The following TIMMDC1 variants were observed in gnomAD, a reference collection of about 807,000 sequenced individuals.
TIMMDC1 encodes the protein translocase of inner mitochondrial membrane domain containing 1.
A neutral mutation model predicts 32.6 loss-of-function variants in TIMMDC1; 25 were observed. The observed-to-expected ratio is 0.77, with a 90% CI of 0.56 to 1.07. TIMMDC1 has a LOEUF of 1.07. Ranked by LOEUF, TIMMDC1 falls within the 50% of genes least tolerant of loss-of-function variation. The pLI, the probability that TIMMDC1 is intolerant of heterozygous loss-of-function variation, is 0.00. For missense variants in TIMMDC1, 329 were observed against 349.2 expected (o/e 0.94, Z 0.46); for synonymous variants, 130 against 127.6 (o/e 1.02, Z -0.13).
At chr3:119,510,677 C>T (rs1171314644) in intron 4 of TIMMDC1, among the ~76,000 whole-genome samples, 1 of 152,084 alleles carries the variant, frequency 6.6e-6, no homozygotes, top group Non-Finnish European at 1.5e-5. Context: ...TAAGAATAGA[C>T]CATTCTTGGG....
rs1302847963 is a variant in TIMMDC1 at position 119,498,764 on chromosome 3, T to G, written c.31T>G (p.Phe11Val). Residue 11 changes from phenylalanine (F) to valine (V), a missense_variant, in exon 1 of 7, where the codon TTT becomes GTT. Physicochemically the swap from Phe to Val is conservative, Grantham distance 50 (BLOSUM62 -1). Coordinates refer to ENST00000494664, the MANE Select transcript of TIMMDC1 (RefSeq NM_016589.4). ...GGTGCCGCCACCGGCACCGCGGAGC[T>G]TTCTCTGTAGAGCATTGTGCCTATT... MEVPPPAPRS[F>V]LCRALCLFPR... 2.5e-6 allele frequency: 4 copies of G among 1,614,242 alleles called. No homozygotes were observed.
chr3:119,513,811 T>A, intron 5 of TIMMDC1, 92 bp downstream of exon 5: 1 of 809,948 alleles, frequency 1.2e-6, no homozygotes. Context: ...AAGAACAAAT[T>A]TAATCCTTAG....
chr3:119,514,826 G>A (rs767038239), intron 5 of TIMMDC1, among the ~76,000 whole-genome samples: 27 of 152,188 alleles, frequency 1.8e-4, no homozygotes, highest in African/African-American at 5.1e-4. Flanking sequence ...GGTCTTGGCC[G>A]GGCTAGGCTC....
In TIMMDC1 at chr3:119,498,788, T is replaced by C; in HGVS notation, c.55T>C (p.Phe19Leu). 1 of 1,614,218 alleles carries C rather than the reference T, an allele frequency of 6.2e-7. No homozygotes were observed. Residue 19 changes from phenylalanine (F) to leucine (L), a missense_variant, in exon 1 of 7, where the codon TTT becomes CTT. Physicochemically the swap from Phe to Leu is conservative, Grantham distance 22. Coordinates refer to ENST00000494664, the MANE Select transcript of TIMMDC1 (RefSeq NM_016589.4). ...RSFLCRALCL[F>L]PRVFAAEAVT... Reference sequence around the variant, plus strand: ...CTTTCTCTGTAGAGCATTGTGCCTATTTCCCCGAGTCTTTGCTGCCGAAGC... The same window carrying C: ...CTTTCTCTGTAGAGCATTGTGCCTACTTCCCCGAGTCTTTGCTGCCGAAGC...
In TIMMDC1 at chr3:119,511,571, A is replaced by G. The variant is rs534330441; in HGVS notation, c.518-2070A>G. Among the ~76,000 whole-genome samples, 373 of 152,348 alleles carry G rather than the reference A, an allele frequency of 2.4e-3. 1 individual carries two copies. Among genetic ancestry groups the G allele is most frequent in the African/African-American group, 8.4e-3 (348 of 41,594 alleles). On this transcript the variant is annotated intron_variant, in intron 4 of 6. Transcript: ENST00000494664. Reference sequence around the variant, plus strand: ...TCAACTGTATGTATTTTTAAGCATAAGAACTAAGAAACTAGGAAACAGGAA... The same window carrying G: ...TCAACTGTATGTATTTTTAAGCATAGGAACTAAGAAACTAGGAAACAGGAA...
rs747336380 is a variant in TIMMDC1 at position 119,504,013 on chromosome 3, T to C, written c.509T>C (p.Ile170Thr). ...AAAGATGCCTTAAGCCATTTTGTAA[T>C]TGCAGGAGGTAAGACATTTTTGTTT... The part of the protein sequence containing the change: ...RNKDALSHFV[I>T]AGAVTGSLFR... The change falls in exon 4 of 7, where the codon ATT (isoleucine) becomes ACT (threonine). Residue 170 changes from isoleucine (I) to threonine (T), a missense_variant. Coordinates refer to ENST00000494664, the MANE Select transcript of TIMMDC1 (RefSeq NM_016589.4). 6.2e-7 allele frequency: 1 copy of C among 1,611,596 alleles called. No homozygotes were observed. Among genetic ancestry groups the C allele is most frequent in the Non-Finnish European group, 8.5e-7 (1 of 1,177,814 alleles).
intron 1 of TIMMDC1, among the ~76,000 whole-genome samples, chr3:119,500,056 T>C (rs6788474): frequency 0.36 from 55,088 of 152,118 alleles, 10,855 homozygotes; most frequent in African/African-American, 0.53. Context: ...AGGCGTGTGC[T>C]ACTGTGCCCA....
intron 3 of TIMMDC1, 61 bp downstream of exon 3, chr3:119,503,681 T>G (rs2081896257): frequency 7.3e-7 from 1 of 1,372,084 alleles, no homozygotes. Context: ...GGAGTGTGTC[T>G]TTTGAGCAGG....
At chr3:119,513,337 G>A (rs2081966292) in intron 4 of TIMMDC1, among the ~76,000 whole-genome samples, 1 of 107,012 alleles carries the variant, frequency 9.3e-6, no homozygotes, top group Non-Finnish European at 2.3e-5. Flanking sequence ...GAAAGAAAGA[G>A]AAGGGGAAAA....
Position 119,524,484 on chromosome 3 carries a change from G to A in TIMMDC1, c.*728G>A, listed in dbSNP as rs1387850421. On this transcript the variant is annotated 3_prime_UTR_variant, in exon 7 of 7. Coordinates refer to ENST00000494664, the MANE Select transcript of TIMMDC1 (RefSeq NM_016589.4). The stretch of plus-strand genomic sequence containing the variant: ...CTGCTAGTACCTTATGTTGGTGTTA[G>A]ACCTCTCTGCCCTACACTGAGAATA... 1 of 151,976 alleles carries A rather than the reference G, an allele frequency of 6.6e-6. No individual in the cohort carries two copies. The allele number at this position is 151,976 out of a possible 1,614,324, so 9.4% of individuals were successfully genotyped here. A position where few individuals can be genotyped will look rare whatever the true frequency, so the allele number is the denominator to read the frequency against.
Position 119,498,921 on chromosome 3 carries a change from G to A in TIMMDC1, c.188G>A (p.Gly63Asp). Residue 63 changes from glycine (G) to aspartate (D), a missense_variant, in exon 1 of 7, where the codon GGC becomes GAC. Coordinates refer to ENST00000494664, the MANE Select transcript of TIMMDC1 (RefSeq NM_016589.4). ...TGGGACCGCCTCCGGGAGCTGTTTG[G>A]CAAAGAGTAAAAGTGCCTAGGGTGT... ...SGWDRLRELF[G>D]KDEQQRISKD... 16 of 1,614,056 alleles carry A rather than the reference G, an allele frequency of 9.9e-6. No individual in the cohort carries two copies. The highest frequency in any genetic ancestry group is 1.4e-5 in the Non-Finnish European group (16 of 1,179,968).
chr3:119,509,233 G>A (rs1316788301), intron 4 of TIMMDC1, among the ~76,000 whole-genome samples: 1 of 152,064 alleles, frequency 6.6e-6, no homozygotes, highest in Non-Finnish European at 1.5e-5. Flanking sequence ...ATAATTTACT[G>A]TGCAACTCAG....
chr3:119,499,101 T>C (rs1330744416), intron 1 of TIMMDC1, among the ~76,000 whole-genome samples, 174 bp downstream of exon 1: 16 of 149,742 alleles, frequency 1.1e-4, no homozygotes, highest in Non-Finnish European at 1.8e-4. Flanking sequence ...TCTTTTTTTT[T>C]TTTTTTTTTC....
intron 4 of TIMMDC1, among the ~76,000 whole-genome samples, chr3:119,512,042 G>T (rs2081956134): frequency 6.6e-6 from 1 of 152,264 alleles, no homozygotes; most frequent in South Asian, 2.1e-4. Flanking sequence ...TTTCATTTCT[G>T]TGAGTTTGTC....
At chr3:119,503,781 T>G (rs1467936276) in intron 3 of TIMMDC1, among the ~76,000 whole-genome samples, 161 bp downstream of exon 3, 1 of 151,782 alleles carries the variant, frequency 6.6e-6, no homozygotes, top group Non-Finnish European at 1.5e-5. Flanking sequence ...AAAAGACTGG[T>G]GTAGTTATGG....
At position 119,499,271 on chromosome 3, in the gene TIMMDC1, A is replaced by G. The variant is rs192367027; in HGVS notation, c.194+344A>G. ...ACCACGCCCGGCTAATTTTTTTTTA[A>G]TGTATTTTTTATAGACAGGGTTCTT... On this transcript the variant is annotated intron_variant, in intron 1 of 6. Transcript: ENST00000494664. Among the ~76,000 whole-genome samples the G allele has an allele frequency of 1.3e-5, 2 of 149,570 alleles. 1 individual carries two copies. Among genetic ancestry groups the G allele is most frequent in the East Asian group, 4.0e-4 (2 of 5,060 alleles).
chr3:119,513,617 A>G (rs764035115), intron 4 of TIMMDC1, 24 bp from the exon 5 acceptor site: 2 of 1,564,898 alleles, frequency 1.3e-6, no homozygotes, highest in Non-Finnish European at 1.8e-6. Context: ...ATGATTTAAT[A>G]TTGCCTTTCT....
At chr3:119,509,255 C>T (rs763122155) in intron 4 of TIMMDC1, among the ~76,000 whole-genome samples, 4 of 152,068 alleles carry the variant, frequency 2.6e-5, no homozygotes, top group South Asian at 2.1e-4. Context: ...AATTCCATGT[C>T]TTAGAATCTG....
chr3:119,500,526 G>C, intron 1 of TIMMDC1, 169 bp from the exon 2 acceptor site: 1 of 582,032 alleles, frequency 1.7e-6, no homozygotes, highest in Non-Finnish European at 2.9e-6. Flanking sequence ...CGTTTTGTCT[G>C]AGACTACGTT....
Sources: gnomAD v4.1 joint callset for allele counts (sites outside exome capture counted in the v4.1 genomes callset) on GRCh38, gnomAD v4.1.1 for gene constraint, MANE v1.5 for transcripts, NCBI Gene and HGNC (gene_info 2026-07-23, HGNC 2026-07-21) for gene names.